FAM171A1: variants seen among roughly 807,000 people sequenced by gnomAD.
FAM171A1 encodes the protein protein FAM171A1.
A neutral mutation model predicts 74.9 loss-of-function variants in FAM171A1; 23 were observed. That is an observed-to-expected ratio of 0.31 (90% CI 0.22 to 0.44). The LOEUF (loss-of-function observed/expected upper bound fraction) is 0.44, where lower values mean the gene tolerates loss of function less well. Ranked by LOEUF, FAM171A1 falls within the 20% of genes least tolerant of loss-of-function variation. The pLI, the probability that FAM171A1 is intolerant of heterozygous loss-of-function variation, is 1.00. For synonymous variants in FAM171A1, 527 were observed against 505.7 expected, an observed-to-expected ratio of 1.04 and a Z score of -0.57; for missense variants, 1,162 against 1,159.2, an observed-to-expected ratio of 1.00 and a Z score of -0.03.
intron 3 of FAM171A1, among the ~76,000 whole-genome samples, chr10:15,261,439 C>T (rs1156537903): frequency 6.6e-6 from 1 of 152,226 alleles, no homozygotes; most frequent in Non-Finnish European, 1.5e-5. Context: ...GAGTTTATCA[C>T]ATCATCCTTC....
chr10:15,238,619 T>C (rs1277372459), intron 5 of FAM171A1, among the ~76,000 whole-genome samples: 1 of 150,342 alleles, frequency 6.7e-6, no homozygotes, highest in African/African-American at 2.4e-5. Context: ...TGTCCGTCAC[T>C]TAGGTAAAAG....
At chr10:15,302,076 G>C (rs1835236338) in intron 1 of FAM171A1, among the ~76,000 whole-genome samples, 2 of 152,180 alleles carry the variant, frequency 1.3e-5, no homozygotes, top group South Asian at 4.1e-4. Flanking sequence ...GGATGGCCAA[G>C]ATTGCCCTTT....
chr10:15,368,856 C>T (rs1836098033), intron 1 of FAM171A1, among the ~76,000 whole-genome samples: 1 of 152,230 alleles, frequency 6.6e-6, no homozygotes, highest in African/African-American at 2.4e-5. Flanking sequence ...GACTGACCTT[C>T]TAATGTCAAA....
intron 1 of FAM171A1, among the ~76,000 whole-genome samples, chr10:15,306,898 C>G (rs10752362): frequency 0.43 from 65,354 of 152,102 alleles, 14,816 homozygotes; most frequent in East Asian, 0.78. Flanking sequence ...ATGACTAACA[C>G]TCCTGCCAGA....
chr10:15,317,467 C>T (rs1835436124), intron 1 of FAM171A1, among the ~76,000 whole-genome samples: 1 of 152,146 alleles, frequency 6.6e-6, no homozygotes, highest in Admixed American at 6.5e-5. Context: ...ACGATCTCAG[C>T]TTCTACGACC....
At chr10:15,295,107 T>A (rs1263187838) in intron 1 of FAM171A1, among the ~76,000 whole-genome samples, 1 of 152,130 alleles carries the variant, frequency 6.6e-6, no homozygotes, top group Non-Finnish European at 1.5e-5. Context: ...ATTTTTATTT[T>A]TTTATTTTTA....
intron 5 of FAM171A1, among the ~76,000 whole-genome samples, chr10:15,245,952 T>G (rs1430623624): frequency 6.6e-6 from 1 of 152,228 alleles, no homozygotes; most frequent in Non-Finnish European, 1.5e-5. Context: ...CTCTGTGTTT[T>G]TCTTTATCCA....
intron 1 of FAM171A1, among the ~76,000 whole-genome samples, chr10:15,337,938 G>A (rs978520031): frequency 2.6e-5 from 4 of 151,922 alleles, no homozygotes; most frequent in Admixed American, 6.6e-5. Context: ...GTGACAGAGC[G>A]AGACTCCATC....
At chr10:15,320,491 G>T (rs1469705927) in intron 1 of FAM171A1, among the ~76,000 whole-genome samples, 4 of 152,174 alleles carry the variant, frequency 2.6e-5, no homozygotes, top group Admixed American at 2.6e-4. Flanking sequence ...AAATGTAATG[G>T]GATTGCCAGG....
Position 15,212,806 on chromosome 10 carries a change from G to A in FAM171A1, c.*109C>T. 8 of 1,402,484 alleles carry A rather than the reference G, an allele frequency of 5.7e-6. No individual in the cohort carries two copies. Among genetic ancestry groups the A allele is most frequent in the Non-Finnish European group, 7.8e-6 (8 of 1,030,388 alleles). 86.9% of individuals were successfully genotyped at this position (1,402,484 alleles called of 1,614,324 possible). A position where few individuals can be genotyped will look rare whatever the true frequency, so the allele number is the denominator to read the frequency against. On this transcript the variant is annotated 3_prime_UTR_variant, in exon 8 of 8. Transcript: ENST00000378116. ...AGGAATGCAGTAAACGTCCACGTCC[G>A]TCCCACGGCTGGGCTGCCGTTCCGT...
intron 5 of FAM171A1, among the ~76,000 whole-genome samples, chr10:15,230,142 C>G (rs571859348): frequency 2.6e-5 from 4 of 152,156 alleles, no homozygotes; most frequent in Non-Finnish European, 5.9e-5. Context: ...ACATTAAAAT[C>G]AAATAAAAAG....
chr10:15,215,899 T>TA (rs200431633), intron 7 of FAM171A1, 97 bp downstream of exon 7: 13,129 of 633,702 alleles, frequency 0.021, 174 homozygotes, highest in African/African-American at 0.093. Flanking sequence ...TTAGAAAAAT[T>TA]AAAAAAAAAA....
At chr10:15,239,910 T>C (rs1216971818) in intron 5 of FAM171A1, among the ~76,000 whole-genome samples, 3 of 152,192 alleles carry the variant, frequency 2.0e-5, no homozygotes, top group African/African-American at 4.8e-5. Context: ...AATCTGAAAA[T>C]CCAAAATCCA....
intron 5 of FAM171A1, among the ~76,000 whole-genome samples, chr10:15,236,818 T>C (rs909134108): frequency 6.6e-6 from 1 of 152,138 alleles, no homozygotes; most frequent in Non-Finnish European, 1.5e-5. Context: ...AGACTGGGCG[T>C]GGTGGCTCAC....
chr10:15,323,610 A>C (rs951610189), intron 1 of FAM171A1, among the ~76,000 whole-genome samples: 4 of 152,248 alleles, frequency 2.6e-5, no homozygotes, highest in Non-Finnish European at 5.9e-5. Context: ...CTTGGTGGGC[A>C]TATAGAATTA....
chr10:15,277,635 T>C (rs1834910933), intron 2 of FAM171A1, among the ~76,000 whole-genome samples: 1 of 152,236 alleles, frequency 6.6e-6, no homozygotes, highest in African/African-American at 2.4e-5. Context: ...GGCTACGATT[T>C]GAACTCTGGA....
chr10:15,246,628 C>G (rs1834438499), intron 5 of FAM171A1, among the ~76,000 whole-genome samples: 1 of 152,112 alleles, frequency 6.6e-6, no homozygotes. Flanking sequence ...TTCAAGGGAT[C>G]CTCCCAACTT....
At chr10:15,239,087 A>G (rs1249210549) in intron 5 of FAM171A1, among the ~76,000 whole-genome samples, 2 of 152,212 alleles carry the variant, frequency 1.3e-5, no homozygotes, top group African/African-American at 4.8e-5. Flanking sequence ...TGTACATCAG[A>G]CAGCCATCTG....
chr10:15,232,826 G>A (rs886502973), intron 5 of FAM171A1, among the ~76,000 whole-genome samples: 10 of 152,164 alleles, frequency 6.6e-5, no homozygotes, highest in African/African-American at 2.2e-4. Context: ...CCTTCCCTAG[G>A]ATGTCCCATG....
Sources: allele counts gnomAD v4.1 joint callset (sites outside exome capture counted in the v4.1 genomes callset), GRCh38; gene constraint gnomAD v4.1.1; transcripts MANE v1.5; gene names NCBI Gene and HGNC (gene_info 2026-07-23, HGNC 2026-07-21).